GLP1R: variants seen among roughly 807,000 people sequenced by gnomAD.
GLP1R encodes the protein glucagon like peptide 1 receptor.
In GLP1R, 32 loss-of-function variants were observed where a neutral mutation model predicts 68.4. That is an observed-to-expected ratio of 0.47 (90% CI 0.35 to 0.63). The LOEUF (loss-of-function observed/expected upper bound fraction) is 0.63. Among genes scored for constraint, GLP1R ranks in the 20% least tolerant of loss-of-function variants. GLP1R has a pLI of 0.00. For missense variants in GLP1R, 502 were observed against 594.9 expected (o/e 0.84, Z 1.62); for synonymous variants, 263 against 244.4 (o/e 1.08, Z -0.71).
intron 1 of GLP1R, among the ~76,000 whole-genome samples, chr6:39,054,421 C>A (rs773390131): frequency 6.7e-6 from 1 of 150,202 alleles, no homozygotes. Flanking sequence ...GATACTCTTA[C>A]TGTCAGGAAT....
At chr6:39,064,006 T>TC (rs1437972149) in intron 3 of GLP1R, among the ~76,000 whole-genome samples, 2 of 147,704 alleles carry the variant, frequency 1.4e-5, no homozygotes, top group Non-Finnish European at 3.0e-5. Context: ...AGTTCTTTTT[T>TC]TTTTTTTTTT....
chr6:39,058,009 G>A (rs1004279), intron 3 of GLP1R, among the ~76,000 whole-genome samples: 108,137 of 152,142 alleles, frequency 0.71, 38,943 homozygotes, highest in East Asian at 0.87. Context: ...TGAGTGGTCC[G>A]CCTGCCTTTC....
rs143390990 is a variant in GLP1R at position 39,072,931 on chromosome 6, C to G, written c.579C>G (p.Ser193=). 58 of 1,614,066 alleles carry G rather than the reference C, an allele frequency of 3.6e-5. No homozygotes were observed. Among genetic ancestry groups the G allele is most frequent in the Non-Finnish European group, 4.8e-5 (57 of 1,179,932 alleles). Residue 193 remains serine, a synonymous_variant, in exon 6 of 13, where the codon TCC becomes TCG. Coordinates refer to ENST00000373256, the MANE Select transcript of GLP1R (RefSeq NM_002062.5). ...LFASFILRAL[S]VFIKDAALKW... ...CATCCTTCATCCTGCGAGCATTGTC[C>G]GTCTTCATCAAGGACGCAGCCCTGA...
intron 1 of GLP1R, among the ~76,000 whole-genome samples, chr6:39,052,797 G>A (rs372731677): frequency 6.7e-4 from 102 of 152,266 alleles, no homozygotes; most frequent in African/African-American, 2.4e-3. Flanking sequence ...TTTTATGGAC[G>A]GCAGAACTGG....
At chr6:39,071,501 T>C (rs900391252) in intron 5 of GLP1R, among the ~76,000 whole-genome samples, 1 of 152,182 alleles carries the variant, frequency 6.6e-6, no homozygotes, top group Admixed American at 6.5e-5. Context: ...TTGCGTATGA[T>C]ATAAATAAAG....
intron 5 of GLP1R, among the ~76,000 whole-genome samples, chr6:39,072,572 T>C (rs1455713359): frequency 6.6e-6 from 1 of 152,148 alleles, no homozygotes; most frequent in Non-Finnish European, 1.5e-5. Context: ...ATAAATCTCT[T>C]TGGTTATGCA....
At chr6:39,050,844 C>T (rs1020558331) in intron 1 of GLP1R, among the ~76,000 whole-genome samples, 2 of 152,120 alleles carry the variant, frequency 1.3e-5, no homozygotes, top group Non-Finnish European at 2.9e-5. Context: ...AGTAGCCCAG[C>T]AGTTCAGGAG....
intron 3 of GLP1R, among the ~76,000 whole-genome samples, chr6:39,062,271 T>C (rs1477717739): frequency 6.6e-6 from 1 of 152,224 alleles, no homozygotes; most frequent in Non-Finnish European, 1.5e-5. Flanking sequence ...TGACAAGCCT[T>C]GAGCCAAATC....
intron 12 of GLP1R, among the ~76,000 whole-genome samples, chr6:39,082,713 C>T (rs1432036076): frequency 6.6e-6 from 1 of 152,136 alleles, no homozygotes; most frequent in Admixed American, 6.5e-5. Flanking sequence ...GCTACCCAGC[C>T]CTGAGCTCTG....
At chr6:39,068,077 T>A (rs1768562289) in intron 5 of GLP1R, among the ~76,000 whole-genome samples, 1 of 151,998 alleles carries the variant, frequency 6.6e-6, no homozygotes, top group African/African-American at 2.4e-5. Flanking sequence ...ATTAAATAAA[T>A]ACAATTGTTT....
chr6:39,082,532 G>T (rs1293573968), intron 12 of GLP1R, among the ~76,000 whole-genome samples: 1 of 152,198 alleles, frequency 6.6e-6, no homozygotes, highest in Non-Finnish European at 1.5e-5. Flanking sequence ...TCCGTTTGGA[G>T]GGTAGGGCAG....
At chr6:39,071,262 C>G (rs891520321) in intron 5 of GLP1R, among the ~76,000 whole-genome samples, 2 of 146,348 alleles carry the variant, frequency 1.4e-5, no homozygotes, top group Admixed American at 7.1e-5. Context: ...GGGAGAATCA[C>G]TTGAACCCAG....
In GLP1R at chr6:39,086,166, G is replaced by GACACAC. The variant is rs34093988; in HGVS notation, c.*127_*132dup. ...ACTCCCAGGGACAAGGGAAGGAAGG[G>GACACAC]ACACACACACACACACACACACACA... On this transcript the variant is annotated 3_prime_UTR_variant, in exon 13 of 13. Coordinates refer to ENST00000373256, the MANE Select transcript of GLP1R (RefSeq NM_002062.5). The surrounding 1 kb of genome is among the most constrained non-coding windows in gnomAD (Gnocchi z 4.5). 7,670 of 581,856 alleles carry GACACAC rather than the reference G, an allele frequency of 0.013. 75 individuals carry two copies. Among genetic ancestry groups the GACACAC allele is most frequent in the African/African-American group, 0.052 (2,477 of 47,512 alleles). The allele number at this position is 581,856 out of a possible 1,614,324, so 36.0% of individuals were successfully genotyped here.
chr6:39,065,262 C>T (rs1768470966), intron 3 of GLP1R, among the ~76,000 whole-genome samples: 2 of 152,290 alleles, frequency 1.3e-5, no homozygotes, highest in African/African-American at 4.8e-5. Flanking sequence ...GGGAGGTGGG[C>T]ACTGAGTCCT....
rs369882145 is a variant in GLP1R, at chr6:39,083,698, C to T, written c.1225-2208C>T. 4.3e-4 allele frequency among the ~76,000 whole-genome samples: 66 copies of T among 152,250 alleles called. 1 individual carries two copies. Among genetic ancestry groups the T allele is most frequent in the Non-Finnish European group, 8.1e-4 (55 of 68,012 alleles). ...GGTGAATGAGCTTCCCAATTCACCC[C>T]GAATCCTGAGGCTGGCATGGTGCCT... On this transcript the variant is annotated intron_variant, in intron 12 of 12. Transcript: ENST00000373256.
chr6:39,072,844 C>G lies in GLP1R; in HGVS notation c.510-18C>G. On this transcript the variant is annotated intron_variant, in intron 5 of 12. Coordinates refer to ENST00000373256, the MANE Select transcript of GLP1R (RefSeq NM_002062.5). ...TGTTGGCTGCCTTGCCAGGGAAAGG[C>G]CCTGCTTTCTCCCTCAGACACCTGC... is the stretch of plus-strand genomic sequence containing the variant. 1 of 1,609,612 alleles carries G rather than the reference C, an allele frequency of 6.2e-7. No individual in the cohort carries two copies. The highest frequency in any genetic ancestry group is 1.1e-5 in the South Asian group (1 of 90,348).
intron 12 of GLP1R, among the ~76,000 whole-genome samples, chr6:39,081,509 G>A (rs909443812): frequency 6.6e-6 from 1 of 152,210 alleles, no homozygotes; most frequent in Non-Finnish European, 1.5e-5. Flanking sequence ...GAGATGGTCA[G>A]CTCCTGGGAG....
chr6:39,058,543 G>A (rs998686552), intron 3 of GLP1R, among the ~76,000 whole-genome samples: 1 of 152,110 alleles, frequency 6.6e-6, no homozygotes, highest in African/African-American at 2.4e-5. Context: ...CTCCCTTGCT[G>A]AGCCCAGTTT....
At chr6:39,056,358 G>A (rs768359978) in intron 1 of GLP1R, 39 bp from the exon 2 acceptor site, 1 of 1,071,044 alleles carries the variant, frequency 9.3e-7, no homozygotes, top group Admixed American at 1.7e-5. Flanking sequence ...AGAGGGGCTG[G>A]CTGAACCCAC....
Sources: gnomAD v4.1 joint callset for allele counts (sites outside exome capture counted in the v4.1 genomes callset) on GRCh38, gnomAD v4.1.1 for gene constraint, Gnocchi (gnomAD v3.1) non-coding constraint, MANE v1.5 for transcripts, NCBI Gene and HGNC (gene_info 2026-07-23, HGNC 2026-07-21) for gene names.